SDK1: variants seen among roughly 807,000 people sequenced by gnomAD.
The protein encoded by SDK1 is protein sidekick-1.
SDK1 carries 157 observed loss-of-function variants against 245.5 expected under a neutral mutation model. The observed-to-expected ratio is 0.64, with a 90% CI of 0.56 to 0.73. The LOEUF is 0.73. Ranked by LOEUF, SDK1 falls within the 30% of genes least tolerant of loss-of-function variation. The pLI is 0.00. For missense variants in SDK1, 3,583 were observed against 3,002.3 expected (o/e 1.19, Z -4.52); for synonymous variants, 1,647 against 1,278.5 (o/e 1.29, Z -6.15).
chr7:4,168,934 G>A (rs585241), intron 32 of SDK1, among the ~76,000 whole-genome samples: 42,817 of 152,114 alleles, frequency 0.28, 7,890 homozygotes, highest in African/African-American at 0.52. Context: ...AGTGTGAACA[G>A]CAAGGACAGG....
intron 1 of SDK1, among the ~76,000 whole-genome samples, chr7:3,415,424 A>T (rs894467155): frequency 6.6e-6 from 1 of 152,152 alleles, no homozygotes; most frequent in African/African-American, 2.4e-5. Context: ...AGGTAGATAA[A>T]AAACAATGAG....
chr7:4,236,862 G>A (rs775134519), intron 41 of SDK1, among the ~76,000 whole-genome samples: 7 of 152,106 alleles, frequency 4.6e-5, no homozygotes, highest in South Asian at 2.1e-4. Flanking sequence ...ACGTCTAGGC[G>A]CTTTGTTCCA....
At chr7:3,791,494 A>G (rs1781088315) in intron 4 of SDK1, among the ~76,000 whole-genome samples, 1 of 152,148 alleles carries the variant, frequency 6.6e-6, no homozygotes, top group African/African-American at 2.4e-5. Context: ...CATGAGCCCA[A>G]AATAGCACGA....
intron 4 of SDK1, among the ~76,000 whole-genome samples, chr7:3,756,593 A>T (rs1038850498): frequency 6.6e-6 from 1 of 150,616 alleles, no homozygotes; most frequent in African/African-American, 2.5e-5. Context: ...TTTATATTTC[A>T]TTTCAACAAT....
chr7:4,113,203 G>A, intron 23 of SDK1, 86 bp from the exon 24 acceptor site: 1 of 1,430,524 alleles, frequency 7.0e-7, no homozygotes, highest in Admixed American at 2.0e-5. Flanking sequence ...GCCCTCCCTT[G>A]AGAAACAGTC....
intron 1 of SDK1, among the ~76,000 whole-genome samples, chr7:3,462,454 C>G (rs763901863): frequency 7.9e-5 from 12 of 152,158 alleles, no homozygotes; most frequent in Non-Finnish European, 1.6e-4. Flanking sequence ...TTTTCCTAAG[C>G]TATTTCATTC....
intron 5 of SDK1, among the ~76,000 whole-genome samples, chr7:3,935,499 G>C (rs964674209): frequency 3.3e-5 from 5 of 152,132 alleles, no homozygotes; most frequent in Non-Finnish European, 7.4e-5. Context: ...GATTAAAATC[G>C]AGACTATACA....
At chr7:3,486,051 CTCT>C (rs1781684788) in intron 1 of SDK1, among the ~76,000 whole-genome samples, 2 of 151,882 alleles carry the variant, frequency 1.3e-5, no homozygotes, top group African/African-American at 2.4e-5. Flanking sequence ...ATCTGAAAAA[CTCT>C]TCATTAAAAT....
At chr7:3,356,858 C>A (rs956778543) in intron 1 of SDK1, among the ~76,000 whole-genome samples, 2 of 152,004 alleles carry the variant, frequency 1.3e-5, no homozygotes, top group Middle Eastern at 3.4e-3. Context: ...GAGTTCAAGA[C>A]CAGCCTGACC....
At chr7:3,554,003 A>G (rs886103076) in intron 1 of SDK1, among the ~76,000 whole-genome samples, 2 of 152,196 alleles carry the variant, frequency 1.3e-5, no homozygotes. Context: ...ACCATAGCCC[A>G]CAAAAGTAGA....
intron 1 of SDK1, among the ~76,000 whole-genome samples, chr7:3,431,612 C>G (rs933369104): frequency 6.6e-6 from 1 of 152,006 alleles, no homozygotes; most frequent in Non-Finnish European, 1.5e-5. Context: ...GAGAATCAAA[C>G]TTTTGTGGTA....
chr7:4,094,665 A>G (rs1782030351), intron 22 of SDK1, among the ~76,000 whole-genome samples: 1 of 152,220 alleles, frequency 6.6e-6, no homozygotes, highest in Non-Finnish European at 1.5e-5. Flanking sequence ...TTGTTATCAA[A>G]CCGGACTTGT....
chr7:4,111,846 T>C (rs1468458424), intron 23 of SDK1, among the ~76,000 whole-genome samples: 1 of 152,238 alleles, frequency 6.6e-6, no homozygotes, highest in Non-Finnish European at 1.5e-5. Context: ...AATAATTGTT[T>C]ATGTATGTGT....
At chr7:3,671,975 G>A (rs1422188999) in intron 4 of SDK1, among the ~76,000 whole-genome samples, 1 of 152,154 alleles carries the variant, frequency 6.6e-6, no homozygotes, top group Non-Finnish European at 1.5e-5. Context: ...TGCCTACACA[G>A]TAGTTGCTTG....
chr7:3,710,385 T>A (rs1307026277), intron 4 of SDK1, among the ~76,000 whole-genome samples: 1 of 152,240 alleles, frequency 6.6e-6, no homozygotes, highest in Non-Finnish European at 1.5e-5. Flanking sequence ...CATGTTATTT[T>A]AATGAGACTG....
At chr7:3,512,274 T>C (rs1167294046) in intron 1 of SDK1, among the ~76,000 whole-genome samples, 1 of 152,186 alleles carries the variant, frequency 6.6e-6, no homozygotes, top group Non-Finnish European at 1.5e-5. Flanking sequence ...CTCCCTGTGT[T>C]TTCATAGCTC....
At chr7:3,911,242 C>T (rs775242831) in intron 5 of SDK1, among the ~76,000 whole-genome samples, 1 of 152,146 alleles carries the variant, frequency 6.6e-6, no homozygotes. Context: ...AATTTAAAAC[C>T]CATGCTTCTT....
chr7:4,085,464 A>G (rs1429622227), intron 22 of SDK1, among the ~76,000 whole-genome samples: 2 of 152,144 alleles, frequency 1.3e-5, no homozygotes, highest in Non-Finnish European at 2.9e-5. Flanking sequence ...GGTTATCTCG[A>G]TACAGATTTA....
intron 1 of SDK1, among the ~76,000 whole-genome samples, chr7:3,529,736 A>G (rs972122197): frequency 6.6e-5 from 10 of 152,148 alleles, no homozygotes; most frequent in Non-Finnish European, 1.0e-4. Context: ...GTCTTGAGAT[A>G]TCTCCCCCAA....
Sources: gnomAD v4.1 joint callset for allele counts (sites outside exome capture counted in the v4.1 genomes callset) on GRCh38, gnomAD v4.1.1 for gene constraint, MANE v1.5 for transcripts, NCBI Gene and HGNC (gene_info 2026-07-23, HGNC 2026-07-21) for gene names.